Variants in TNFRSF10A observed in about 807,000 individuals in gnomAD.
TNFRSF10A encodes TNF receptor superfamily member 10a.
In TNFRSF10A, 44 loss-of-function variants were observed where a neutral mutation model predicts 42.8. The ratio of observed to expected loss-of-function variants is 1.03; its 90% CI spans 0.81 to 1.32. TNFRSF10A has a LOEUF of 1.32. TNFRSF10A is among the 40% of genes most tolerant of loss of function. TNFRSF10A has a pLI of 0.00. For missense variants in TNFRSF10A, 680 were observed against 602.0 expected (o/e 1.13, Z -1.36); for synonymous variants, 259 against 234.2 (o/e 1.11, Z -0.97).
intron 8 of TNFRSF10A, 74 bp downstream of exon 8, chr8:23,199,192 T>A (rs1268172024): frequency 1.5e-5 from 24 of 1,549,760 alleles, no homozygotes; most frequent in Non-Finnish European, 2.6e-6. Context: ...CCACTTCCCC[T>A]TTGACCAGGA....
chr8:23,216,966 G>A (rs557577926), intron 1 of TNFRSF10A, among the ~76,000 whole-genome samples: 163 of 152,232 alleles, frequency 1.1e-3, no homozygotes, highest in Middle Eastern at 0.01. Flanking sequence ...TCTTGGTGAA[G>A]TACCATGTTC....
chr8:23,199,998 G>T (rs1005304429), intron 6 of TNFRSF10A, 81 bp from the exon 7 acceptor site: 12 of 1,538,338 alleles, frequency 7.8e-6, no homozygotes, highest in African/African-American at 1.4e-5. Context: ...TTGGGCAGGG[G>T]TGGGCTGGGG....
chr8:23,205,813 C>A (rs541764104), intron 2 of TNFRSF10A, among the ~76,000 whole-genome samples: 9 of 150,042 alleles, frequency 6.0e-5, no homozygotes, highest in African/African-American at 2.0e-4. Flanking sequence ...CAGGTTCAAG[C>A]GATTATCCTG....
At chr8:23,200,968 T>C (rs938659551) in intron 4 of TNFRSF10A, among the ~76,000 whole-genome samples, 1 of 152,202 alleles carries the variant, frequency 6.6e-6, no homozygotes. Context: ...TTGGCCTCCC[T>C]GCTCTGGGGT....
rs754110576 is a variant in TNFRSF10A, at chr8:23,199,467, C to A, written c.832-19G>T. The A allele has an allele frequency of 1.2e-6, 2 of 1,602,916 alleles. No individual in the cohort carries two copies. The highest frequency in any genetic ancestry group is 2.2e-5 in the East Asian group (1 of 44,540). ...AACACACCTTAGGAAGGCAAAGAGCCAACTCAGAAGCCCACACCCAGGGCT... is the reference window on the plus strand; with the variant it reads ...AACACACCTTAGGAAGGCAAAGAGCAAACTCAGAAGCCCACACCCAGGGCT... On this transcript the variant is annotated intron_variant, in intron 7 of 9. Coordinates refer to ENST00000221132, the MANE Select transcript of TNFRSF10A (RefSeq NM_003844.4).
intron 1 of TNFRSF10A, among the ~76,000 whole-genome samples, chr8:23,221,977 C>T (rs951972232): frequency 4.6e-5 from 7 of 151,960 alleles, no homozygotes; most frequent in African/African-American, 9.7e-5. Context: ...CCCGGGTTCA[C>T]GCCATTCTCC....
rs752552572 is a variant in TNFRSF10A at position 23,224,781 on chromosome 8, A to G, written c.281T>C (p.Phe94Ser). 18 of 1,569,392 alleles carry G rather than the reference A, an allele frequency of 1.1e-5. No homozygotes were observed. The African/African-American group carries it at 1.8e-4, about 15-fold the overall frequency. The change falls in exon 1 of 10, where the codon TTT (phenylalanine) becomes TCT (serine). Residue 94 changes from phenylalanine to serine, a missense_variant. Coordinates refer to ENST00000221132, the MANE Select transcript of TNFRSF10A (RefSeq NM_003844.4). ...CTGCAGCAGGACCCCGACGACGACA[A>G]ACTTGAAGGTCTTGTGGACCCGGAG... ...PRLRVHKTFK[F>S]VVVGVLLQVV...
chr8:23,200,433 G>A (rs897616078), intron 6 of TNFRSF10A, 72 bp downstream of exon 6: 12 of 1,551,776 alleles, frequency 7.7e-6, no homozygotes, highest in Admixed American at 3.4e-5. Flanking sequence ...AGGGGTGAGC[G>A]TTTCTGTCTG....
At chr8:23,193,771 G>A (rs1463295690) in intron 9 of TNFRSF10A, among the ~76,000 whole-genome samples, 2 of 152,204 alleles carry the variant, frequency 1.3e-5, no homozygotes, top group South Asian at 4.1e-4. Context: ...GTTGTATTAT[G>A]TTTTGGTGAT....
At position 23,224,977 on chromosome 8, in the gene TNFRSF10A, C is replaced by T. The variant is rs758645078; in HGVS notation, c.85G>A (p.Ala29Thr). 7 of 1,599,720 alleles carry T rather than the reference C, an allele frequency of 4.4e-6. No homozygotes were observed. The highest frequency in any genetic ancestry group is 2.3e-5 in the East Asian group (1 of 44,344). ...ACTTTGCTGGGTGTGGCCGCGGCTG[C>T]CTCTGTCCCACTCGCTGCGCTCCCG... ...NPGSAASGTEAAAATPSKVWG... is the reference protein window; with the variant it reads ...NPGSAASGTETAAATPSKVWG... The change falls in exon 1 of 10, where the codon GCA (alanine) becomes ACA (threonine). Residue 29 changes from alanine to threonine, a missense_variant. Physicochemically the swap from Ala to Thr is moderately conservative, Grantham distance 58. Transcript: ENST00000221132.
chr8:23,196,668 C>G (rs1800828202), intron 9 of TNFRSF10A, among the ~76,000 whole-genome samples: 1 of 152,200 alleles, frequency 6.6e-6, no homozygotes, highest in Non-Finnish European at 1.5e-5. Flanking sequence ...GCACCAAGAC[C>G]TAGACCCAAC....
rs1800922084 is a variant in TNFRSF10A, at chr8:23,201,794, G to A, written c.629+14C>T. 1.9e-6 allele frequency: 3 copies of A among 1,612,254 alleles called. No homozygotes were observed. The highest frequency in any genetic ancestry group is 1.3e-5 in the African/African-American group (1 of 75,008). ...TCTTTGAGGCTGCTGGGAGCCCCTT[G>A]GCTGTTGTCTCACCCTCTGCTGCAC... is the stretch of plus-strand genomic sequence containing the variant. On this transcript the variant is annotated intron_variant, in intron 4 of 9. Transcript: ENST00000221132.
chr8:23,222,278 A>G (rs777484363), intron 1 of TNFRSF10A, among the ~76,000 whole-genome samples: 6 of 152,180 alleles, frequency 3.9e-5, no homozygotes, highest in Non-Finnish European at 8.8e-5. Context: ...GAGCTCATGT[A>G]CCTAAAAATT....
At chr8:23,220,070 C>T (rs79054634) in intron 1 of TNFRSF10A, among the ~76,000 whole-genome samples, 7,626 of 152,214 alleles carry the variant, frequency 0.05, 603 homozygotes, top group African/African-American at 0.17. Flanking sequence ...GTCTGAGGTG[C>T]CGAGTGCACC....
intron 2 of TNFRSF10A, chr8:23,207,037 C>A (rs914137263): frequency 3.2e-5 from 14 of 442,654 alleles, no homozygotes; most frequent in Non-Finnish European, 5.1e-5. Flanking sequence ...AAAGAATATC[C>A]ATACATCACC....
intron 2 of TNFRSF10A, among the ~76,000 whole-genome samples, chr8:23,205,468 T>A (rs764420337): frequency 2.6e-4 from 40 of 152,202 alleles, no homozygotes; most frequent in Non-Finnish European, 5.3e-4. Context: ...GATTTATGTA[T>A]TTTTGATACT....
At chr8:23,208,056 A>G (rs1015134902) in intron 2 of TNFRSF10A, among the ~76,000 whole-genome samples, 1 of 152,218 alleles carries the variant, frequency 6.6e-6, no homozygotes, top group Non-Finnish European at 1.5e-5. Context: ...AAAATGTGGG[A>G]AAGTGTGGAA....
chr8:23,193,280 C>T (rs1183924225), intron 9 of TNFRSF10A, among the ~76,000 whole-genome samples: 1 of 152,166 alleles, frequency 6.6e-6, no homozygotes, highest in Non-Finnish European at 1.5e-5. Context: ...CTCAGAAGCC[C>T]TCCCAAGCAG....
chr8:23,216,197 T>C (rs562599146), intron 1 of TNFRSF10A, among the ~76,000 whole-genome samples: 3 of 152,310 alleles, frequency 2.0e-5, no homozygotes, highest in Non-Finnish European at 4.4e-5. Context: ...TTGTTTGAAT[T>C]CTATTTCATT....
Sources: gnomAD v4.1 joint callset for allele counts (sites outside exome capture counted in the v4.1 genomes callset) on GRCh38, gnomAD v4.1.1 for gene constraint, MANE v1.5 for transcripts, NCBI Gene and HGNC (gene_info 2026-07-23, HGNC 2026-07-21) for gene names.